Variants in HNF1B observed in about 807,000 individuals in gnomAD.
HNF1B encodes HNF1 homeobox B.
HNF1B carries 8 observed loss-of-function variants against 61.7 expected under a neutral mutation model. That is an observed-to-expected ratio of 0.13 (90% CI 0.08 to 0.23). The LOEUF (loss-of-function observed/expected upper bound fraction) is 0.23, where lower values mean the gene tolerates loss of function less well. Among genes scored for constraint, HNF1B ranks in the 10% least tolerant of loss-of-function variants. HNF1B has a pLI of 1.00. For missense variants in HNF1B, 562 were observed against 714.5 expected, an observed-to-expected ratio of 0.79 and a Z score of 2.43; for synonymous variants, 314 against 287.7, an observed-to-expected ratio of 1.09 and a Z score of -0.93.
chr17:37,742,813 C>G (rs982753460), intron 1 of HNF1B, among the ~76,000 whole-genome samples: 37 of 151,266 alleles, frequency 2.4e-4, no homozygotes, highest in African/African-American at 8.7e-4. Context: ...TCACAGAGCC[C>G]GCGTCCCGCG....
intron 4 of HNF1B, among the ~76,000 whole-genome samples, chr17:37,713,798 C>T (rs2033015323): frequency 6.6e-6 from 1 of 152,174 alleles, no homozygotes; most frequent in South Asian, 2.1e-4. Flanking sequence ...GCAGGTGTTC[C>T]CACGATGCTC....
At position 37,721,074 on chromosome 17, in the gene HNF1B, A is replaced by G. The variant is rs573152568; in HGVS notation, c.1046-10411T>C. On this transcript the variant is annotated intron_variant, in intron 4 of 8. Coordinates refer to ENST00000617811, the MANE Select transcript of HNF1B (RefSeq NM_000458.4). ...TAGACTTCACTGCCAACCCAGTCCA[A>G]TGGGTGCCAAGCAGGAAGAGGCACC... The G allele has an allele frequency of 3.8e-5, 16 of 419,366 alleles. No individual in the cohort carries two copies. The East Asian group carries it at 1.1e-3, about 29-fold the overall frequency. The allele number at this position is 419,366 out of a possible 1,614,324, so 26.0% of individuals were successfully genotyped here. A position where few individuals can be genotyped will look rare whatever the true frequency, so the allele number is the denominator to read the frequency against.
At chr17:37,726,653 G>A (rs1314015370) in intron 4 of HNF1B, among the ~76,000 whole-genome samples, 1 of 152,176 alleles carries the variant, frequency 6.6e-6, no homozygotes, top group Non-Finnish European at 1.5e-5. Flanking sequence ...ATGAGCGAGA[G>A]GCAGGAGGCA....
chr17:37,693,549 G>A (rs1042118201), intron 8 of HNF1B, among the ~76,000 whole-genome samples: 8 of 152,288 alleles, frequency 5.3e-5, no homozygotes, highest in African/African-American at 1.4e-4. Context: ...CTAATTGCCC[G>A]GTTCAGTGCA....
intron 4 of HNF1B, among the ~76,000 whole-genome samples, chr17:37,725,599 C>T (rs973906706): frequency 2.0e-4 from 30 of 152,328 alleles, no homozygotes; most frequent in African/African-American, 5.5e-4. Context: ...CACCCATGTC[C>T]GCCACTAAAC....
rs193922493 is a variant in HNF1B at position 37,731,678 on chromosome 17, T to C, written c.962A>G (p.Asn321Ser). Residue 321 changes from asparagine (N) to serine (S), a missense_variant, in exon 4 of 9, where the codon AAC becomes AGC. This residue lies in a region of HNF1B where 211 missense variants were observed against 200.7 expected (regional missense o/e 1.05). Transcript: ENST00000617811. ...CAGAGGGTTCAGGCTGTGAGTCTGGTTGGAGCTATAGGCGTCCATGGCCAG... is the reference window on the plus strand; with the variant it reads ...CAGAGGGTTCAGGCTGTGAGTCTGGCTGGAGCTATAGGCGTCCATGGCCAG... ...QKLAMDAYSS[N>S]QTHSLNPLLS... 8.7e-6 allele frequency: 14 copies of C among 1,613,962 alleles called. No homozygotes were observed. Among genetic ancestry groups the C allele is most frequent in the Non-Finnish European group, 1.2e-5 (14 of 1,179,998 alleles).
At chr17:37,737,920 T>A (rs1026707169) in intron 2 of HNF1B, among the ~76,000 whole-genome samples, 1 of 152,188 alleles carries the variant, frequency 6.6e-6, no homozygotes, top group Non-Finnish European at 1.5e-5. Context: ...TTGTAAAACG[T>A]CCCTTCCTCA....
chr17:37,696,861 T>A (rs1441741512), intron 8 of HNF1B, among the ~76,000 whole-genome samples: 1 of 152,264 alleles, frequency 6.6e-6, no homozygotes, highest in African/African-American at 2.4e-5. Context: ...CTTGGGTACC[T>A]TCTGCTGTCA....
chr17:37,732,605 A>T (rs774462282), intron 3 of HNF1B, among the ~76,000 whole-genome samples: 6 of 152,196 alleles, frequency 3.9e-5, no homozygotes, highest in Non-Finnish European at 8.8e-5. Context: ...CTGAAGTTTT[A>T]GAAAGTCAAT....
At chr17:37,723,290 T>G (rs1385568880) in intron 4 of HNF1B, among the ~76,000 whole-genome samples, 2 of 151,334 alleles carry the variant, frequency 1.3e-5, no homozygotes, top group Non-Finnish European at 2.9e-5. Context: ...GAGCTTGCAG[T>G]GAGCCGAGAT....
intron 8 of HNF1B, among the ~76,000 whole-genome samples, chr17:37,690,128 G>A (rs2032146631): frequency 6.6e-6 from 1 of 152,132 alleles, no homozygotes; most frequent in Admixed American, 6.5e-5. Context: ...ACTTAGATAT[G>A]GGAATCAGGC....
At chr17:37,730,718 C>T (rs1462894217) in intron 4 of HNF1B, 1 of 152,286 alleles carries the variant, frequency 6.6e-6, no homozygotes, top group Non-Finnish European at 1.5e-5. Context: ...TTCGCAAGCC[C>T]TTTTCTTGGA....
chr17:37,706,507 A>G (rs1172674504), intron 5 of HNF1B, among the ~76,000 whole-genome samples: 1 of 152,114 alleles, frequency 6.6e-6, no homozygotes, highest in Non-Finnish European at 1.5e-5. Context: ...ATAGTGTCCA[A>G]GGTTAATTTG....
chr17:37,734,153 A>G (rs958825026), intron 2 of HNF1B, among the ~76,000 whole-genome samples: 2 of 152,206 alleles, frequency 1.3e-5, no homozygotes, highest in African/African-American at 4.8e-5. Context: ...GAACTCCTGT[A>G]TTTGATGTCA....
chr17:37,715,442 T>C (rs2033074412), intron 4 of HNF1B, among the ~76,000 whole-genome samples: 1 of 152,212 alleles, frequency 6.6e-6, no homozygotes. Flanking sequence ...TCCAATTATA[T>C]AGACATATTG....
chr17:37,702,111 C>T (rs2032591473), intron 6 of HNF1B, among the ~76,000 whole-genome samples: 1 of 152,090 alleles, frequency 6.6e-6, no homozygotes, highest in Admixed American at 6.6e-5. Flanking sequence ...GGACCTGCTT[C>T]CTGGGGTCGA....
intron 8 of HNF1B, among the ~76,000 whole-genome samples, chr17:37,690,530 G>A (rs2032163647): frequency 6.6e-6 from 1 of 152,192 alleles, no homozygotes. Flanking sequence ...GAGAGACAAG[G>A]GGGCCTGGGC....
At position 37,733,698 on chromosome 17, in the gene HNF1B, C is replaced by T; in HGVS notation, c.668G>A (p.Cys223Tyr). The stretch of plus-strand genomic sequence containing the variant: ...CATCTTCTTGTTGGTGGGCTCAGAG[C>T]AGGCATCATCGGACTGCCCAGGCCC... Reference protein sequence around the residue: ...SHGPGQSDDACSEPTNKKMRR... With the variant: ...SHGPGQSDDAYSEPTNKKMRR... Residue 223 changes from cysteine (C) to tyrosine (Y), a missense_variant, in exon 3 of 9, where the codon TGC becomes TAC. By Grantham distance (194) the Cys-to-Tyr change is radical. This residue lies in a region of HNF1B where 69 missense variants were observed against 81.2 expected (regional missense o/e 0.85). Coordinates refer to ENST00000617811, the MANE Select transcript of HNF1B (RefSeq NM_000458.4). 2 of 1,614,166 alleles carry T rather than the reference C, an allele frequency of 1.2e-6. No individual in the cohort carries two copies. The highest frequency in any genetic ancestry group is 1.7e-6 in the Non-Finnish European group (2 of 1,180,034).
At chr17:37,739,376 G>A (rs1372402088) in intron 2 of HNF1B, 64 bp downstream of exon 2, 4 of 1,460,174 alleles carry the variant, frequency 2.7e-6, no homozygotes, top group African/African-American at 1.4e-5. Flanking sequence ...AACTGAGGCA[G>A]CCAATGGGGT....
Sources: allele counts gnomAD v4.1 joint callset (sites outside exome capture counted in the v4.1 genomes callset), GRCh38; gene constraint gnomAD v4.1.1; regional missense constraint gnomAD v4.1.1; transcripts MANE v1.5; gene names NCBI Gene and HGNC (gene_info 2026-07-23, HGNC 2026-07-21).